Variants in PITRM1 observed in about 807,000 individuals in gnomAD.
PITRM1 encodes the protein pitrilysin metallopeptidase 1, also known as presequence protease, mitochondrial.
In PITRM1, 100 loss-of-function variants were observed where a neutral mutation model predicts 129.9. That is an observed-to-expected ratio of 0.77 (90% CI 0.65 to 0.91). PITRM1 has a LOEUF of 0.91. Among genes scored for constraint, PITRM1 ranks in the 40% least tolerant of loss-of-function variants. PITRM1 has a pLI of 0.00. For missense variants in PITRM1, 1,471 were observed against 1,318.3 expected (o/e 1.12, Z -1.79); for synonymous variants, 591 against 508.8 (o/e 1.16, Z -2.17).
intron 25 of PITRM1, 179 bp downstream of exon 25, chr10:3,138,725 C>T (rs902325251): frequency 1.1e-5 from 8 of 755,192 alleles, no homozygotes; most frequent in South Asian, 1.0e-4. Context: ...ACAGGATGCA[C>T]TCTTCTCGCC....
At chr10:3,168,608 C>T (rs1459310897) in intron 2 of PITRM1, among the ~76,000 whole-genome samples, 2 of 147,040 alleles carry the variant, frequency 1.4e-5, no homozygotes, top group African/African-American at 5.4e-5. Flanking sequence ...ATGTTATTCT[C>T]GTGACAGTGA....
chr10:3,141,847 C>G (rs1840252430), intron 23 of PITRM1: 1 of 259,960 alleles, frequency 3.8e-6, no homozygotes, highest in African/African-American at 2.3e-5. Flanking sequence ...TGTGGGTCCT[C>G]CAGGAGAAAC....
intron 13 of PITRM1, among the ~76,000 whole-genome samples, chr10:3,156,177 A>G (rs1414575795): frequency 1.3e-5 from 2 of 152,232 alleles, no homozygotes; most frequent in South Asian, 2.1e-4. Context: ...TTCCCATTCA[A>G]TACTTCGTAA....
intron 17 of PITRM1, 31 bp downstream of exon 17, chr10:3,148,140 C>T (rs371708241): frequency 6.2e-7 from 1 of 1,613,938 alleles, no homozygotes; most frequent in Non-Finnish European, 8.5e-7. Context: ...AAGCTTCCCA[C>T]CGCAGCAGTC....
At chr10:3,144,265 GC>G in intron 22 of PITRM1, 26 bp downstream of exon 22, 3 of 1,437,786 alleles carry the variant, frequency 2.1e-6, no homozygotes, top group Non-Finnish European at 2.9e-6. Context: ...CCACCCGCTG[GC>G]AACCCGGATG....
chr10:3,157,254 AT>A, intron 12 of PITRM1, 180 bp downstream of exon 12: 1 of 675,438 alleles, frequency 1.5e-6, no homozygotes, highest in Admixed American at 3.6e-5. Context: ...TTTTGTTCCA[AT>A]AAAATAAAAA....
chr10:3,148,855 A>G (rs967755489), intron 16 of PITRM1: 1 of 152,550 alleles, frequency 6.6e-6, no homozygotes, highest in Admixed American at 6.5e-5. Context: ...AAACCGCTAC[A>G]AAAGGATGAA....
intron 18 of PITRM1, 28 bp from the exon 19 acceptor site, chr10:3,147,765 C>G (rs1380783244): frequency 6.4e-7 from 1 of 1,550,632 alleles, no homozygotes; most frequent in Non-Finnish European, 8.7e-7. Flanking sequence ...GAAAAAATTC[C>G]TGGAGACCCA....
chr10:3,158,542 T>C (rs1313762631), intron 10 of PITRM1, among the ~76,000 whole-genome samples: 1 of 151,888 alleles, frequency 6.6e-6, no homozygotes, highest in Non-Finnish European at 1.5e-5. Context: ...AGGGAGAGAC[T>C]CCATCTAAAA....
At chr10:3,159,085 A>C (rs1325702289) in intron 9 of PITRM1, 43 bp from the exon 10 acceptor site, 29 of 1,566,378 alleles carry the variant, frequency 1.9e-5, no homozygotes, top group Non-Finnish European at 2.3e-5. Context: ...GAAAAGAGTA[A>C]AGGGAAAATT....
chr10:3,164,695 TGA>T (rs1842718876), intron 6 of PITRM1, among the ~76,000 whole-genome samples: 1 of 152,236 alleles, frequency 6.6e-6, no homozygotes, highest in African/African-American at 2.4e-5. Context: ...AAATTAAAGC[TGA>T]GACATTTAAA....
At chr10:3,157,309 A>T in intron 12 of PITRM1, 126 bp downstream of exon 12, 1 of 637,368 alleles carries the variant, frequency 1.6e-6, no homozygotes, top group Non-Finnish European at 2.6e-6. Flanking sequence ...ACAGATTACT[A>T]GTTATAAACC....
At chr10:3,163,971 A>G in intron 6 of PITRM1, 86 bp from the exon 7 acceptor site, 1 of 819,882 alleles carries the variant, frequency 1.2e-6, no homozygotes, top group Non-Finnish European at 1.8e-6. Context: ...AATTGATCAC[A>G]TTCTGGTGCA....
At chr10:3,152,995 C>T (rs1468932635) in intron 14 of PITRM1, among the ~76,000 whole-genome samples, 2 of 152,238 alleles carry the variant, frequency 1.3e-5, no homozygotes, top group East Asian at 3.8e-4. Context: ...TCGGAAGATT[C>T]AAGCTTTTAC....
rs779099696 is a variant in PITRM1 at position 3,155,657 on chromosome 10, C to T, written c.1555G>A (p.Ala519Thr). 25 of 1,613,808 alleles carry T rather than the reference C, an allele frequency of 1.5e-5. No homozygotes were observed. The highest frequency in any genetic ancestry group is 2.1e-5 in the Non-Finnish European group (25 of 1,179,892). Residue 519 changes from alanine to threonine, a missense_variant, in exon 14 of 27, where the codon GCC (alanine) becomes ACC (threonine). By Grantham distance (58) the Ala-to-Thr change is moderately conservative. Transcript: ENST00000224949. ...KYHEKQAQVEATKLKQKVEAL... is the reference protein window; with the variant it reads ...KYHEKQAQVETTKLKQKVEAL... ...TCGACCTTCTGCTTGAGCTTCGTGG[C>T]TTCCACCTGTGCCTGCTTCTCGTGA...
At chr10:3,140,317 C>T (rs543908649) in intron 24 of PITRM1, among the ~76,000 whole-genome samples, 108 of 152,218 alleles carry the variant, frequency 7.1e-4, no homozygotes, top group Middle Eastern at 3.4e-3. Flanking sequence ...GAATGGTGTA[C>T]AATTTAAAAC....
rs1840571218 is a variant in PITRM1 at position 3,144,088 on chromosome 10, C to G, written c.2532+204G>C. ...GCCCTCCTCGGCACAGGAGGACACA[C>G]CCCCACCAGGGCCTTCACTCAGTAC... is the stretch of plus-strand genomic sequence containing the variant. On this transcript the variant is annotated intron_variant, in intron 22 of 26. Coordinates refer to ENST00000224949, the MANE Select transcript of PITRM1 (RefSeq NM_014889.4). The G allele has an allele frequency of 4.7e-5, 28 of 595,248 alleles. 1 individual carries two copies. In the South Asian group the frequency reaches 5.8e-4, roughly 12 times the overall value. 36.9% of individuals were successfully genotyped at this position (595,248 alleles called of 1,614,324 possible).
intron 1 of PITRM1, among the ~76,000 whole-genome samples, chr10:3,171,146 T>TAAAAAAAAAACAA (rs1588736135): frequency 2.8e-5 from 1 of 36,240 alleles, no homozygotes. Context: ...AATCGTTCAA[T>TAAAAAAAAAACAA]TAAAAAAAAA....
intron 7 of PITRM1, 92 bp from the exon 8 acceptor site, chr10:3,160,422 G>GC (rs1842349923): frequency 4.8e-6 from 5 of 1,039,036 alleles, no homozygotes; most frequent in African/African-American, 4.7e-5. Context: ...GCACAGGAGT[G>GC]CCCCTTACCC....
Sources: gnomAD v4.1 joint callset for allele counts (sites outside exome capture counted in the v4.1 genomes callset) on GRCh38, gnomAD v4.1.1 for gene constraint, MANE v1.5 for transcripts, NCBI Gene and HGNC (gene_info 2026-07-23, HGNC 2026-07-21) for gene names.